The following CAST variants were observed in gnomAD, a reference collection of about 807,000 sequenced individuals.
The protein encoded by CAST is MIR583 host.
Under a neutral mutation model 119.6 loss-of-function variants are expected in CAST, and 76 were observed. The observed-to-expected ratio is 0.64, with a 90% CI of 0.53 to 0.77. The LOEUF is 0.77. CAST is among the 30% of genes least tolerant of loss of function. The pLI is 0.00. For synonymous variants in CAST, 319 were observed against 331.6 expected (o/e 0.96, Z 0.41); for missense variants, 953 against 946.5 (o/e 1.01, Z -0.09).
chr5:96,369,145 A>G, the CAST span, among the ~76,000 whole-genome samples: 2 of 150,974 alleles, frequency 1.3e-5, no homozygotes, highest in East Asian at 1.9e-4. Flanking sequence ...TATATATTTT[A>G]TATATTTTTT....
chr5:96,163,315 C>T, the CAST span, among the ~76,000 whole-genome samples: 1 of 152,118 alleles, frequency 6.6e-6, no homozygotes, highest in African/African-American at 2.4e-5. Flanking sequence ...TCCTGTCAGT[C>T]TAGCTAAAAT....
chr5:95,982,547 T>C, the CAST span, among the ~76,000 whole-genome samples: 17 of 152,210 alleles, frequency 1.1e-4, no homozygotes, highest in Non-Finnish European at 2.2e-4. Flanking sequence ...CCTGTTTTCT[T>C]ATCTGTAAAT....
chr5:96,301,708 C>T, the CAST span, among the ~76,000 whole-genome samples: 2 of 152,212 alleles, frequency 1.3e-5, no homozygotes, highest in Non-Finnish European at 2.9e-5. Context: ...TCTCCTTTGA[C>T]TTCCTGTCTC....
At chr5:96,101,988 G>T in the CAST span, among the ~76,000 whole-genome samples, 1 of 152,172 alleles carries the variant, frequency 6.6e-6, no homozygotes, top group African/African-American at 2.4e-5. Context: ...CCAGGTTGGG[G>T]TGCCTACAAC....
chr5:96,583,037 G>GA (rs1222498220), intron 1 of CAST, among the ~76,000 whole-genome samples: 1 of 152,160 alleles, frequency 6.6e-6, no homozygotes, highest in Non-Finnish European at 1.5e-5. Context: ...AAGTAAGGGT[G>GA]AAAGGAACAG....
chr5:96,487,177 T>A, the CAST span, among the ~76,000 whole-genome samples: 1 of 152,142 alleles, frequency 6.6e-6, no homozygotes, highest in Admixed American at 6.5e-5. Flanking sequence ...TATTACAGGT[T>A]GTGGTTGGAC....
At chr5:96,728,754 G>GT (rs1759833067) in intron 6 of CAST, 1 of 163,434 alleles carries the variant, frequency 6.1e-6, no homozygotes, top group Admixed American at 6.0e-5. Flanking sequence ...TGGGATTACA[G>GT]GCGTGAGCCA....
At chr5:96,757,131 A>T (rs1460266190) in intron 22 of CAST, among the ~76,000 whole-genome samples, 1 of 152,220 alleles carries the variant, frequency 6.6e-6, no homozygotes, top group Non-Finnish European at 1.5e-5. Flanking sequence ...CAGTCACAGC[A>T]CCACATACCA....
the CAST span, among the ~76,000 whole-genome samples, chr5:96,022,424 A>T: frequency 2.0e-5 from 3 of 152,206 alleles, no homozygotes; most frequent in African/African-American, 7.2e-5. Flanking sequence ...CAAGTAAAAA[A>T]ATATTATAGT....
At chr5:95,969,327 A>G in the CAST span, among the ~76,000 whole-genome samples, 2 of 152,320 alleles carry the variant, frequency 1.3e-5, no homozygotes, top group East Asian at 1.9e-4. Flanking sequence ...TCAGGTGACA[A>G]AAGTATAAGT....
chr5:96,203,742 C>T, the CAST span, among the ~76,000 whole-genome samples: 119 of 152,098 alleles, frequency 7.8e-4, no homozygotes, highest in African/African-American at 2.9e-3. Flanking sequence ...CACAAACCCT[C>T]ACAGCCACAT....
At chr5:96,510,373 A>G in the CAST span, among the ~76,000 whole-genome samples, 1 of 152,230 alleles carries the variant, frequency 6.6e-6, no homozygotes, top group South Asian at 2.1e-4. Context: ...AAAATTTCCT[A>G]AAGTAACCTT....
At chr5:96,084,990 G>T in the CAST span, among the ~76,000 whole-genome samples, 1 of 152,142 alleles carries the variant, frequency 6.6e-6, no homozygotes, top group Non-Finnish European at 1.5e-5. Context: ...CGATAGGAAG[G>T]CCCTGAATTC....
the CAST span, among the ~76,000 whole-genome samples, chr5:96,353,539 A>G: frequency 6.6e-6 from 1 of 152,186 alleles, no homozygotes; most frequent in Admixed American, 6.6e-5. Flanking sequence ...TAGACTGAGT[A>G]AAGAGAATCC....
intron 1 of CAST, among the ~76,000 whole-genome samples, chr5:96,550,761 A>G (rs1262383740): frequency 6.6e-6 from 1 of 152,258 alleles, no homozygotes; most frequent in Non-Finnish European, 1.5e-5. Context: ...CGAGAACTTC[A>G]TAAAGCATAC....
At chr5:95,997,367 T>C in the CAST span, among the ~76,000 whole-genome samples, 1 of 152,150 alleles carries the variant, frequency 6.6e-6, no homozygotes, top group South Asian at 2.1e-4. Flanking sequence ...GGGCTTAAGT[T>C]TGAGAAAAAC....
chr5:95,971,106 T>C, the CAST span, among the ~76,000 whole-genome samples: 145 of 152,296 alleles, frequency 9.5e-4, no homozygotes, highest in African/African-American at 3.3e-3. Flanking sequence ...AGCATCATGA[T>C]TTAGCTTTGT....
At chr5:96,338,180 C>A in the CAST span, among the ~76,000 whole-genome samples, 1 of 152,150 alleles carries the variant, frequency 6.6e-6, no homozygotes, top group Non-Finnish European at 1.5e-5. Context: ...TAGGTTGAAA[C>A]GTTCAACAAA....
chr5:96,033,954 A>G, the CAST span, among the ~76,000 whole-genome samples: 2 of 152,268 alleles, frequency 1.3e-5, no homozygotes, highest in African/African-American at 4.8e-5. Flanking sequence ...CAACCGAATA[A>G]CAAGAAAACA....
Sources: gnomAD v4.1 joint callset for allele counts (sites outside exome capture counted in the v4.1 genomes callset) on GRCh38, gnomAD v4.1.1 for gene constraint, MANE v1.5 for transcripts, NCBI Gene and HGNC (gene_info 2026-07-23, HGNC 2026-07-21) for gene names.